The following FANCM variants were observed in gnomAD, a reference collection of about 807,000 sequenced individuals.
FANCM encodes the protein FA complementation group M, also known as Fanconi anemia group M protein.
FANCM carries 140 observed loss-of-function variants against 199.5 expected under a neutral mutation model. The observed-to-expected ratio is 0.70, with a 90% CI of 0.61 to 0.81. The LOEUF (loss-of-function observed/expected upper bound fraction) is 0.81, where lower values mean the gene tolerates loss of function less well. Among genes scored for constraint, FANCM ranks in the 30% least tolerant of loss-of-function variants. The pLI is 0.00. For synonymous variants in FANCM, 840 were observed against 836.8 expected, an observed-to-expected ratio of 1.00 and a Z score of -0.07; for missense variants, 2,410 against 2,421.4, an observed-to-expected ratio of 1.00 and a Z score of 0.10.
rs972175617 is a variant in FANCM, at chr14:45,181,829, G to A, written c.4386+124G>A. 11 of 666,352 alleles carry A rather than the reference G, an allele frequency of 1.7e-5. No homozygotes were observed. The African/African-American group carries it at 1.8e-4, about 11-fold the overall frequency. 41.3% of individuals were successfully genotyped at this position (666,352 alleles called of 1,614,324 possible). Reference sequence around the variant, plus strand: ...TTAGTAGAAAAGTTGATATTCTATTGTATGTGATTGGAATTTCTAGCTTCT... The same window carrying A: ...TTAGTAGAAAAGTTGATATTCTATTATATGTGATTGGAATTTCTAGCTTCT... On this transcript the variant is annotated intron_variant, in intron 16 of 22. Transcript: ENST00000267430.
In FANCM at chr14:45,175,130, A is replaced by C. The variant is rs1444373792; in HGVS notation, c.2376A>C (p.Ser792=). The change falls in exon 14 of 23, where the codon TCA becomes TCC. Residue 792 remains serine (S), a synonymous_variant. Coordinates refer to ENST00000267430, the MANE Select transcript of FANCM (RefSeq NM_020937.4). ...ATTTACAAATGGAAGATGTTACCTC[A>C]ACATTTATTGCTCCCAGGAATGAAT... The part of the protein sequence containing the change: ...ESYLQMEDVT[S]TFIAPRNESN... The C allele has an allele frequency of 6.2e-7, 1 of 1,612,352 alleles. No homozygotes were observed. Among genetic ancestry groups the C allele is most frequent in the Admixed American group, 1.7e-5 (1 of 59,916 alleles).
chr14:45,146,614 A>G (rs1886403033), intron 3 of FANCM, among the ~76,000 whole-genome samples: 1 of 151,962 alleles, frequency 6.6e-6, no homozygotes, highest in Admixed American at 6.6e-5. Flanking sequence ...GTGGATCACG[A>G]AGTCAGGATA....
chr14:45,189,478 AT>A, intron 20 of FANCM, 116 bp downstream of exon 20: 1 of 812,338 alleles, frequency 1.2e-6, no homozygotes, highest in Non-Finnish European at 2.0e-6. Context: ...TAACAAAAAA[AT>A]TTTGCAGAAA....
In FANCM at chr14:45,153,956, A is replaced by T; in HGVS notation, c.1087A>T (p.Ile363Phe). 6.2e-7 allele frequency: 1 copy of T among 1,605,544 alleles called. No homozygotes were observed. The highest frequency in any genetic ancestry group is 8.5e-7 in the Non-Finnish European group (1 of 1,172,260). The change falls in exon 6 of 23, where the codon ATT becomes TTT. Residue 363 changes from isoleucine (I) to phenylalanine (F), a missense_variant. Transcript: ENST00000267430. The part of the protein sequence containing the change: ...QQGIIEGEFA[I>F]CISLYHGYEL... ...AGGCATAATCGAGGGAGAGTTTGCT[A>T]TTTGTATTAGTTTATATCATGGTTA...
chr14:45,181,531 C>A lies in FANCM; in HGVS notation c.4317+7C>A, dbSNP rs1411847222. On this transcript the variant is annotated splice_region_variant and intron_variant, in intron 15 of 22. Coordinates refer to ENST00000267430, the MANE Select transcript of FANCM (RefSeq NM_020937.4). ...TGTTTTAAACTCTCCTGAGGTGAGT[C>A]ATTCAGTAATCACAATAGTATAATC... The A allele has an allele frequency of 1.3e-6, 2 of 1,571,612 alleles. No individual in the cohort carries two copies. The highest frequency in any genetic ancestry group is 2.2e-5 in the South Asian group (2 of 90,152).
At chr14:45,188,751 C>A (rs775906778) in intron 19 of FANCM, 51 bp from the exon 20 acceptor site, 1 of 1,318,480 alleles carries the variant, frequency 7.6e-7, no homozygotes, top group African/African-American at 1.4e-5. Flanking sequence ...ATTTTAAATA[C>A]CTGTTAATTG....
chr14:45,136,061 G>T lies in FANCM; in HGVS notation c.30G>T (p.Gln10His). Reference protein sequence around the residue: MSGRQRTLFQTWGSSISRSS... With the variant: MSGRQRTLFHTWGSSISRSS... ...GCGGACGGCAAAGAACGCTTTTTCA[G>T]ACGTGGGGCTCAAGTATCTCCCGAT... Residue 10 changes from glutamine (Q) to histidine (H), a missense_variant, in exon 1 of 23, where the codon CAG becomes CAT. Transcript: ENST00000267430. 6.2e-7 allele frequency: 1 copy of T among 1,613,836 alleles called. No homozygotes were observed.
chr14:45,141,507 T>TCCCCCC (rs1231647926), intron 3 of FANCM, among the ~76,000 whole-genome samples: 1 of 81,978 alleles, frequency 1.2e-5, no homozygotes, highest in African/African-American at 5.2e-5. Flanking sequence ...TCTGTTCTCC[T>TCCCCCC]CCCCCTCCCC....
intron 14 of FANCM, chr14:45,180,815 A>T (rs188314013): frequency 0.013 from 1,994 of 152,924 alleles, 22 homozygotes; most frequent in Non-Finnish European, 0.021. Context: ...AGGCCACAAT[A>T]CCTTTTATGA....
At chr14:45,198,997 G>A (rs375929506) in intron 22 of FANCM, 62 bp downstream of exon 22, 48 of 1,323,768 alleles carry the variant, frequency 3.6e-5, no homozygotes, top group East Asian at 1.9e-4. Context: ...GCATTCCATA[G>A]AAGTTTAATG....
At chr14:45,142,460 C>G (rs905400758) in intron 3 of FANCM, among the ~76,000 whole-genome samples, 1 of 151,922 alleles carries the variant, frequency 6.6e-6, no homozygotes, top group East Asian at 1.9e-4. Context: ...TCACCCGCCA[C>G]CATGCCCGGC....
At position 45,137,107 on chromosome 14, in the gene FANCM, A is replaced by C. The variant is rs368937236; in HGVS notation, c.547A>C (p.Ser183Arg). Reference sequence around the variant, plus strand: ...TTCCACCAGGAAGGAAATATGGTGCAGTAAGAGAGTGCTTTTTCTTACACC... The same window carrying C: ...TTCCACCAGGAAGGAAATATGGTGCCGTAAGAGAGTGCTTTTTCTTACACC... ...QASTRKEIWC[S>R]KRVLFLTPQV... Residue 183 changes from serine to arginine, a missense_variant, in exon 2 of 23, where the codon AGT (serine) becomes CGT (arginine). Physicochemically the swap from Ser to Arg is moderately radical, Grantham distance 110. Transcript: ENST00000267430. The C allele has an allele frequency of 1.1e-4, 175 of 1,613,252 alleles. 1 individual carries two copies. Among genetic ancestry groups the C allele is most frequent in the Non-Finnish European group, 1.1e-4 (135 of 1,179,434 alleles).
chr14:45,152,560 A>C (rs933155818), intron 5 of FANCM, among the ~76,000 whole-genome samples: 31 of 152,260 alleles, frequency 2.0e-4, no homozygotes, highest in African/African-American at 7.2e-4. Context: ...GTCCAAAGTC[A>C]GAGAAGACAC....
Position 45,175,324 on chromosome 14 carries a change from T to C in FANCM, c.2570T>C (p.Val857Ala). The C allele has an allele frequency of 6.4e-7, 1 of 1,562,100 alleles. No individual in the cohort carries two copies. The highest frequency in any genetic ancestry group is 8.7e-7 in the Non-Finnish European group (1 of 1,154,636). ...PTKIVSLKKK[V>A]SKEIKKDQLK... ...AAAATTGTTTCTTTAAAGAAAAAAG[T>C]GTCTAAAGAAATAAAAAAAGATCAG... The change falls in exon 14 of 23, where the codon GTG becomes GCG. Residue 857 changes from valine (V) to alanine (A), a missense_variant. By Grantham distance (64) the Val-to-Ala change is moderately conservative. Transcript: ENST00000267430.
At chr14:45,139,704 G>A (rs779472985) in intron 2 of FANCM, among the ~76,000 whole-genome samples, 3 of 152,106 alleles carry the variant, frequency 2.0e-5, no homozygotes, top group Admixed American at 6.5e-5. Flanking sequence ...TGAGCTGGGC[G>A]CAGTGGCTTG....
At chr14:45,152,061 C>G (rs1472036962) in intron 5 of FANCM, among the ~76,000 whole-genome samples, 3 of 148,214 alleles carry the variant, frequency 2.0e-5, no homozygotes, top group Admixed American at 6.8e-5. Context: ...CAGAATTTCG[C>G]TCTATTGCCC....
At position 45,176,120 on chromosome 14, in the gene FANCM, C is replaced by T. The variant is rs768546653; in HGVS notation, c.3366C>T (p.Asp1122=). 1 of 1,613,892 alleles carries T rather than the reference C, an allele frequency of 6.2e-7. No homozygotes were observed. ...ACAATCATGATGTTGATAACAGTGA[C>T]CTCCCAGTATTGTCCACTGATCAAG... ...GENNHDVDNS[D]LPVLSTDQDE... The change falls in exon 14 of 23, where the codon GAC becomes GAT. Residue 1122 remains aspartate, a synonymous_variant. Transcript: ENST00000267430.
At chr14:45,138,979 TAAC>T (rs953136724) in intron 2 of FANCM, among the ~76,000 whole-genome samples, 31 of 152,222 alleles carry the variant, frequency 2.0e-4, no homozygotes, top group Non-Finnish European at 8.8e-5. Flanking sequence ...ATGTGCCATA[TAAC>T]AACAAAATGA....
rs374213749 is a variant in FANCM, at chr14:45,154,649, A to G, written c.1184-48A>G. Reference sequence around the variant, plus strand: ...TTCTTTTTAATAAATAATACATTTTATCAGTTTTATTATTATTTATTTGAA... The same window carrying G: ...TTCTTTTTAATAAATAATACATTTTGTCAGTTTTATTATTATTTATTTGAA... On this transcript the variant is annotated intron_variant, in intron 6 of 22. Transcript: ENST00000267430. 806 of 1,172,434 alleles carry G rather than the reference A, an allele frequency of 6.9e-4. 2 individuals carry two copies. The highest frequency in any genetic ancestry group is 3.1e-3 in the Middle Eastern group (11 of 3,524). 72.6% of individuals were successfully genotyped at this position (1,172,434 alleles called of 1,614,324 possible).
Sources: gnomAD v4.1 joint callset for allele counts (sites outside exome capture counted in the v4.1 genomes callset) on GRCh38, gnomAD v4.1.1 for gene constraint, MANE v1.5 for transcripts, NCBI Gene and HGNC (gene_info 2026-07-23, HGNC 2026-07-21) for gene names.